ZFAND3: variants seen among roughly 807,000 people sequenced by gnomAD.
The protein encoded by ZFAND3 is AN1-type zinc finger protein 3.
In ZFAND3, 10 loss-of-function variants were observed where a neutral mutation model predicts 29.6. That is an observed-to-expected ratio of 0.34 (90% CI 0.21 to 0.57). ZFAND3 has a LOEUF of 0.57. Among genes scored for constraint, ZFAND3 ranks in the 20% least tolerant of loss-of-function variants. The pLI, the probability that ZFAND3 is intolerant of heterozygous loss-of-function variation, is 0.86. For missense variants in ZFAND3, 230 were observed against 304.5 expected, an observed-to-expected ratio of 0.76 and a Z score of 1.82; for synonymous variants, 128 against 112.6, an observed-to-expected ratio of 1.14 and a Z score of -0.87.
At chr6:37,972,492 A>G (rs938803934) in intron 2 of ZFAND3, among the ~76,000 whole-genome samples, 1 of 152,216 alleles carries the variant, frequency 6.6e-6, no homozygotes, top group Admixed American at 6.5e-5. Context: ...TCTTGTAGGT[A>G]TATGGAATTG....
intron 2 of ZFAND3, among the ~76,000 whole-genome samples, chr6:37,990,350 C>A (rs1160713574): frequency 6.6e-6 from 1 of 152,072 alleles, no homozygotes; most frequent in Non-Finnish European, 1.5e-5. Flanking sequence ...ATTCCCCCTC[C>A]CCTCAAGCCA....
At chr6:37,999,524 A>T (rs79572146) in intron 2 of ZFAND3, among the ~76,000 whole-genome samples, 1 of 152,194 alleles carries the variant, frequency 6.6e-6, no homozygotes, top group Admixed American at 6.6e-5. Flanking sequence ...GTGATAATTC[A>T]TATTGATTGC....
At chr6:38,068,336 A>G (rs1764385277) in intron 3 of ZFAND3, among the ~76,000 whole-genome samples, 1 of 152,222 alleles carries the variant, frequency 6.6e-6, no homozygotes, top group Admixed American at 6.5e-5. Context: ...AGTGTTTATA[A>G]GTAAAGTTTG....
At chr6:37,933,843 C>A (rs1020283272) in intron 2 of ZFAND3, among the ~76,000 whole-genome samples, 1 of 149,314 alleles carries the variant, frequency 6.7e-6, no homozygotes, top group Admixed American at 6.7e-5. Flanking sequence ...CCTTTAAAGG[C>A]TAAAATCATT....
intron 3 of ZFAND3, among the ~76,000 whole-genome samples, chr6:38,068,125 A>G (rs148095554): frequency 1.2e-3 from 187 of 152,336 alleles, no homozygotes; most frequent in African/African-American, 4.0e-3. Context: ...GTACATACTA[A>G]GAATTAAACA....
At chr6:37,982,689 A>G (rs1226326809) in intron 2 of ZFAND3, among the ~76,000 whole-genome samples, 9 of 152,208 alleles carry the variant, frequency 5.9e-5, no homozygotes, top group East Asian at 3.8e-4. Context: ...AGAAATGACT[A>G]TGTTACTGGT....
At chr6:37,832,688 C>G (rs1407198354) in intron 1 of ZFAND3, among the ~76,000 whole-genome samples, 1 of 152,044 alleles carries the variant, frequency 6.6e-6, no homozygotes, top group African/African-American at 2.4e-5. Context: ...TCTCCCCTCT[C>G]TCCTCGACAG....
chr6:38,005,498 A>G (rs556700415), intron 2 of ZFAND3, among the ~76,000 whole-genome samples: 2 of 152,324 alleles, frequency 1.3e-5, no homozygotes, highest in Non-Finnish European at 2.9e-5. Flanking sequence ...CTAGATCAGA[A>G]TCATGTAATG....
chr6:37,835,469 T>G (rs1391193323), intron 1 of ZFAND3, among the ~76,000 whole-genome samples: 1 of 151,846 alleles, frequency 6.6e-6, no homozygotes, highest in Admixed American at 6.5e-5. Flanking sequence ...TAAGAGTTTT[T>G]TTTTTTTTTT....
chr6:38,056,189 AC>A (rs1264889863), intron 2 of ZFAND3, among the ~76,000 whole-genome samples: 1 of 152,212 alleles, frequency 6.6e-6, no homozygotes, highest in African/African-American at 2.4e-5. Flanking sequence ...AACGTGTAAC[AC>A]TAGTGGATTG....
At chr6:38,073,889 T>C (rs1764503822) in intron 3 of ZFAND3, among the ~76,000 whole-genome samples, 1 of 152,194 alleles carries the variant, frequency 6.6e-6, no homozygotes. Flanking sequence ...TGGAATGTCT[T>C]GGTTTGAAAT....
chr6:38,044,130 C>A (rs1316660824), intron 2 of ZFAND3, among the ~76,000 whole-genome samples: 1 of 152,156 alleles, frequency 6.6e-6, no homozygotes, highest in East Asian at 1.9e-4. Flanking sequence ...AATAAAAAAG[C>A]ATTCCAAAGT....
chr6:38,002,995 A>G (rs1431507671), intron 2 of ZFAND3: 2 of 152,908 alleles, frequency 1.3e-5, no homozygotes, highest in Non-Finnish European at 2.9e-5. Flanking sequence ...AATTATCAAA[A>G]CCAGAAGGCC....
intron 2 of ZFAND3, among the ~76,000 whole-genome samples, chr6:38,041,685 C>CCTCT (rs1763774076): frequency 1.9e-4 from 4 of 20,790 alleles, no homozygotes; most frequent in South Asian, 3.7e-3. Context: ...TCTTCTTCTT[C>CCTCT]TCCTTCTCCT....
intron 1 of ZFAND3, among the ~76,000 whole-genome samples, chr6:37,853,115 G>T (rs1561911309): frequency 1.3e-5 from 2 of 152,246 alleles, no homozygotes; most frequent in East Asian, 3.9e-4. Flanking sequence ...ATGGTCGGAT[G>T]CTCCATGTTA....
At chr6:37,833,824 CAAAAAAAAAA>C (rs55733520) in intron 1 of ZFAND3, among the ~76,000 whole-genome samples, 1 of 68,032 alleles carries the variant, frequency 1.5e-5, no homozygotes, top group Admixed American at 1.7e-4. Flanking sequence ...GACACTGTCT[CAAAAAAAAAA>C]AAAAAAAAAG....
intron 2 of ZFAND3, among the ~76,000 whole-genome samples, chr6:38,052,802 C>A (rs1424861279): frequency 6.6e-6 from 1 of 151,692 alleles, no homozygotes; most frequent in South Asian, 2.1e-4. Context: ...ATTACAGGCA[C>A]GAGGCTGAGG....
intron 1 of ZFAND3, among the ~76,000 whole-genome samples, chr6:37,820,861 C>T (rs1763653535): frequency 6.6e-6 from 1 of 152,152 alleles, no homozygotes; most frequent in African/African-American, 2.4e-5. Context: ...CCTCTTCCTC[C>T]CCCCATTACT....
chr6:38,153,100 C>T lies in ZFAND3; in HGVS notation c.*711C>T, dbSNP rs1416460215. ...ACGAACGAGACCCGCCTTTTCTACA[C>T]AGGATCCAAGGTCACGAGAAGCAGC... On this transcript the variant is annotated 3_prime_UTR_variant, in exon 6 of 6. Coordinates refer to ENST00000287218, the MANE Select transcript of ZFAND3 (RefSeq NM_021943.3). The T allele has an allele frequency of 6.1e-6, 6 of 985,472 alleles. No homozygotes were observed. Among genetic ancestry groups the T allele is most frequent in the African/African-American group, 1.7e-5 (1 of 57,260 alleles). 61.0% of individuals were successfully genotyped at this position (985,472 alleles called of 1,614,324 possible). A position where few individuals can be genotyped will look rare whatever the true frequency, so the allele number is the denominator to read the frequency against.
Sources: allele counts gnomAD v4.1 joint callset (sites outside exome capture counted in the v4.1 genomes callset), GRCh38; gene constraint gnomAD v4.1.1; transcripts MANE v1.5; gene names NCBI Gene and HGNC (gene_info 2026-07-23, HGNC 2026-07-21).